The following KCNH7 variants were observed in gnomAD, a reference collection of about 807,000 sequenced individuals.
KCNH7 encodes the protein voltage-gated inwardly rectifying potassium channel KCNH7.
KCNH7 carries 49 observed loss-of-function variants against 120.8 expected under a neutral mutation model. That is an observed-to-expected ratio of 0.41 (90% CI 0.32 to 0.51). The LOEUF is 0.51. KCNH7 is among the 20% of genes least tolerant of loss of function. The pLI, the probability that KCNH7 is intolerant of heterozygous loss-of-function variation, is 0.38. For missense variants in KCNH7, 1,097 were observed against 1,446.6 expected (o/e 0.76, Z 3.92); for synonymous variants, 547 against 516.1 (o/e 1.06, Z -0.81).
At chr2:162,647,208 T>C (rs1305107274) in intron 2 of KCNH7, among the ~76,000 whole-genome samples, 2 of 152,130 alleles carry the variant, frequency 1.3e-5, no homozygotes, top group South Asian at 2.1e-4. Context: ...TGCTAAGAGA[T>C]TTACAGTTGC....
At chr2:162,628,326 G>A (rs1365071255) in intron 2 of KCNH7, among the ~76,000 whole-genome samples, 2 of 152,104 alleles carry the variant, frequency 1.3e-5, no homozygotes, top group African/African-American at 2.4e-5. Flanking sequence ...CACAAGCAAA[G>A]GTCTTCAGGC....
chr2:162,649,163 T>C (rs1038870840), intron 2 of KCNH7, among the ~76,000 whole-genome samples: 1 of 152,194 alleles, frequency 6.6e-6, no homozygotes, highest in African/African-American at 2.4e-5. Context: ...ATTTTCTTCC[T>C]CTAATCTATT....
At chr2:162,752,904 AAAAGAAAAGAAAAG>A (rs1688613808) in intron 2 of KCNH7, among the ~76,000 whole-genome samples, 24 of 50,918 alleles carry the variant, frequency 4.7e-4, no homozygotes, top group African/African-American at 1.7e-3. Context: ...ACATCTCAGA[AAAAGAAAAGAAAAG>A]AAAAGAAAAG....
intron 2 of KCNH7, among the ~76,000 whole-genome samples, chr2:162,693,435 G>A (rs964493157): frequency 1.2e-4 from 18 of 152,022 alleles, no homozygotes; most frequent in African/African-American, 4.1e-4. Context: ...GTTTTTTTCA[G>A]ACCAGCTCTA....
intron 14 of KCNH7, among the ~76,000 whole-genome samples, chr2:162,375,043 CTCT>C (rs1686112554): frequency 6.6e-6 from 1 of 152,140 alleles, no homozygotes; most frequent in Admixed American, 6.5e-5. Flanking sequence ...TTTCATTTCA[CTCT>C]TCAAGTCCCA....
chr2:162,423,142 A>T, intron 9 of KCNH7, 194 bp downstream of exon 9: 1 of 1,159,974 alleles, frequency 8.6e-7, no homozygotes. Context: ...CCTTTGCCAC[A>T]CAGTATAACT....
intron 2 of KCNH7, among the ~76,000 whole-genome samples, chr2:162,714,096 C>T (rs754684774): frequency 1.3e-5 from 2 of 152,164 alleles, no homozygotes; most frequent in South Asian, 2.1e-4. Context: ...GAGTTCCGTG[C>T]CAGCCTATTC....
chr2:162,607,456 G>T (rs185501682), intron 2 of KCNH7, among the ~76,000 whole-genome samples: 1 of 151,832 alleles, frequency 6.6e-6, no homozygotes, highest in East Asian at 1.9e-4. Flanking sequence ...TGTTGGTGGT[G>T]GGACTAAAAA....
chr2:162,610,840 A>C (rs1406417020), intron 2 of KCNH7, among the ~76,000 whole-genome samples: 1 of 152,246 alleles, frequency 6.6e-6, no homozygotes, highest in Non-Finnish European at 1.5e-5. Context: ...TTGTCATAGA[A>C]GGTATTAAAT....
At chr2:162,517,646 T>C in intron 4 of KCNH7, 84 bp downstream of exon 4, 3 of 1,165,556 alleles carry the variant, frequency 2.6e-6, no homozygotes, top group Non-Finnish European at 3.6e-6. Context: ...GCACAGAGAT[T>C]ATTGTTGAAA....
chr2:162,495,052 C>T (rs1690451023), intron 6 of KCNH7, among the ~76,000 whole-genome samples: 1 of 152,106 alleles, frequency 6.6e-6, no homozygotes, highest in Non-Finnish European at 1.5e-5. Context: ...TTCTTTCTGC[C>T]TGGCTTCTCC....
intron 2 of KCNH7, among the ~76,000 whole-genome samples, chr2:162,743,239 T>C (rs1688200454): frequency 6.6e-6 from 1 of 152,196 alleles, no homozygotes; most frequent in African/African-American, 2.4e-5. Context: ...CCTTTTTGCA[T>C]ACCGTTTTTA....
chr2:162,612,598 G>T (rs1433591269), intron 2 of KCNH7, among the ~76,000 whole-genome samples: 1 of 151,980 alleles, frequency 6.6e-6, no homozygotes, highest in Non-Finnish European at 1.5e-5. Context: ...AGGATTTCCA[G>T]AGATAAGACC....
At chr2:162,389,123 T>C (rs1320647642) in intron 12 of KCNH7, among the ~76,000 whole-genome samples, 1 of 151,974 alleles carries the variant, frequency 6.6e-6, no homozygotes, top group African/African-American at 2.4e-5. Context: ...TTCACTCTGG[T>C]GGCTTTTTTT....
At chr2:162,500,439 G>A (rs1167377971) in intron 6 of KCNH7, among the ~76,000 whole-genome samples, 2 of 150,478 alleles carry the variant, frequency 1.3e-5, no homozygotes, top group Non-Finnish European at 3.0e-5. Flanking sequence ...AATGACCAAC[G>A]AATGAATGAA....
At chr2:162,504,798 A>G in intron 5 of KCNH7, 141 bp from the exon 6 acceptor site, 1 of 624,322 alleles carries the variant, frequency 1.6e-6, no homozygotes, top group Non-Finnish European at 2.8e-6. Context: ...ATACCTGGAC[A>G]CAGGGCTTAG....
At chr2:162,620,280 T>C (rs563109320) in intron 2 of KCNH7, among the ~76,000 whole-genome samples, 108 of 151,576 alleles carry the variant, frequency 7.1e-4, no homozygotes, top group African/African-American at 2.5e-3. Flanking sequence ...TGTATGTATA[T>C]AAAATTCTAT....
chr2:162,380,350 G>A (rs1479178059), intron 13 of KCNH7, among the ~76,000 whole-genome samples: 1 of 152,158 alleles, frequency 6.6e-6, no homozygotes, highest in Non-Finnish European at 1.5e-5. Flanking sequence ...ATGAGTCTGT[G>A]CTTTTATATC....
chr2:162,693,645 C>T (rs1559085161), intron 2 of KCNH7, among the ~76,000 whole-genome samples: 2 of 152,140 alleles, frequency 1.3e-5, no homozygotes, highest in Admixed American at 1.3e-4. Context: ...CTGGATGTCT[C>T]AGGAGGTTCT....
Sources: gnomAD v4.1 joint callset for allele counts (sites outside exome capture counted in the v4.1 genomes callset) on GRCh38, gnomAD v4.1.1 for gene constraint, MANE v1.5 for transcripts, NCBI Gene and HGNC (gene_info 2026-07-23, HGNC 2026-07-21) for gene names.